RPAP2: variants seen among roughly 807,000 people sequenced by gnomAD.
RPAP2 encodes putative RNA polymerase II subunit B1 CTD phosphatase RPAP2.
In RPAP2, 52 loss-of-function variants were observed where a neutral mutation model predicts 73.1. The ratio of observed to expected loss-of-function variants is 0.71; its 90% confidence interval spans 0.57 to 0.90. The LOEUF (loss-of-function observed/expected upper bound fraction) is 0.90. Ranked by LOEUF, RPAP2 falls within the 40% of genes least tolerant of loss-of-function variation. The probability of loss-of-function intolerance (pLI) is 0.00; values close to 1 mark genes in which losing one functional copy is unlikely to be tolerated. For synonymous variants in RPAP2, 225 were observed against 242.1 expected (o/e 0.93, Z 0.65); for missense variants, 598 against 701.8 (o/e 0.85, Z 1.67).
At chr1:92,332,228 T>C (rs978111694) in intron 8 of RPAP2, among the ~76,000 whole-genome samples, 1 of 152,054 alleles carries the variant, frequency 6.6e-6, no homozygotes, top group African/African-American at 2.4e-5. Context: ...CATTCTCTCT[T>C]CAGCCATTTC....
chr1:92,304,076 G>A lies in RPAP2; in HGVS notation c.333+1G>A. 6.3e-7 allele frequency: 1 copy of A among 1,584,778 alleles called. No homozygotes were observed. Among genetic ancestry groups the A allele is most frequent in the East Asian group, 2.2e-5 (1 of 44,688 alleles). On this transcript the variant is annotated splice_donor_variant, in intron 4 of 12. Coordinates refer to ENST00000610020, the MANE Select transcript of RPAP2 (RefSeq NM_024813.3). LOFTEE classifies it high-confidence loss of function. ...TTTATGTCAGAAGAAGCTGGGAATT[G>A]TAAGTAACTCATTTTTTTTAAAATA...
At chr1:92,380,001 T>C (rs1207455315) in intron 11 of RPAP2, among the ~76,000 whole-genome samples, 14 of 151,326 alleles carry the variant, frequency 9.3e-5, no homozygotes, top group Non-Finnish European at 1.5e-5. Context: ...GGCTCACGCC[T>C]GTAATCCTAA....
chr1:92,389,377 C>T lies in RPAP2; in HGVS notation c.*2366C>T, dbSNP rs1236635768. On this transcript the variant is annotated 3_prime_UTR_variant, in exon 13 of 13. Transcript: ENST00000610020. The stretch of plus-strand genomic sequence containing the variant: ...AAAAAAAGGACATCTACACCAAAAC[C>T]CCATCCATAGGACACCAACATCAGA... 1 of 152,136 alleles carries T rather than the reference C, an allele frequency of 6.6e-6. No individual in the cohort carries two copies. The highest frequency in any genetic ancestry group is 1.5e-5 in the Non-Finnish European group (1 of 68,046). 9.4% of individuals were successfully genotyped at this position (152,136 alleles called of 1,614,324 possible).
chr1:92,309,711 G>A (rs1487429857), intron 6 of RPAP2, among the ~76,000 whole-genome samples: 1 of 152,130 alleles, frequency 6.6e-6, no homozygotes, highest in African/African-American at 2.4e-5. Context: ...GACTTTAATG[G>A]GGACCTGTCC....
At chr1:92,326,020 T>A (rs1000993607) in intron 8 of RPAP2, among the ~76,000 whole-genome samples, 1 of 152,104 alleles carries the variant, frequency 6.6e-6, no homozygotes, top group African/African-American at 2.4e-5. Context: ...TCTGCTAATA[T>A]GCGTATGTAT....
chr1:92,383,621 C>T (rs934449136), intron 12 of RPAP2, among the ~76,000 whole-genome samples: 2 of 152,108 alleles, frequency 1.3e-5, no homozygotes, highest in African/African-American at 4.8e-5. Flanking sequence ...ATTTTGTATC[C>T]TGAGACTTTG....
chr1:92,350,540 G>A (rs1654148415), intron 11 of RPAP2, among the ~76,000 whole-genome samples: 2 of 152,174 alleles, frequency 1.3e-5, no homozygotes, highest in Non-Finnish European at 2.9e-5. Flanking sequence ...ATAATACAGA[G>A]TTGAACCTGA....
At chr1:92,364,221 C>G (rs1451195233) in intron 11 of RPAP2, among the ~76,000 whole-genome samples, 2 of 152,130 alleles carry the variant, frequency 1.3e-5, no homozygotes, top group Non-Finnish European at 2.9e-5. Flanking sequence ...CTCCATACCA[C>G]CAGTAGTTTC....
chr1:92,301,353 A>C (rs1053161523), intron 2 of RPAP2, 123 bp from the exon 3 acceptor site: 1 of 398,086 alleles, frequency 2.5e-6, no homozygotes, highest in South Asian at 5.3e-5. Flanking sequence ...TTATTCAAAA[A>C]ATTTTTTAAA....
intron 10 of RPAP2, among the ~76,000 whole-genome samples, chr1:92,342,443 C>A (rs1014796002): frequency 2.6e-5 from 4 of 152,138 alleles, no homozygotes; most frequent in African/African-American, 4.8e-5. Flanking sequence ...GTAGTACAGA[C>A]TGTATAGGCC....
At chr1:92,357,020 T>C (rs1435859344) in intron 11 of RPAP2, among the ~76,000 whole-genome samples, 5 of 151,208 alleles carry the variant, frequency 3.3e-5, no homozygotes, top group African/African-American at 1.2e-4. Context: ...GAGCTGAGAT[T>C]GTGTCACTGC....
intron 11 of RPAP2, among the ~76,000 whole-genome samples, chr1:92,374,967 A>G (rs1655326372): frequency 6.6e-6 from 1 of 152,160 alleles, no homozygotes; most frequent in Non-Finnish European, 1.5e-5. Flanking sequence ...CCACTGAAAT[A>G]AAATAAAATT....
intron 6 of RPAP2, among the ~76,000 whole-genome samples, chr1:92,313,939 A>G (rs974300537): frequency 6.6e-6 from 1 of 152,182 alleles, no homozygotes; most frequent in Non-Finnish European, 1.5e-5. Flanking sequence ...TCTTCTACCT[A>G]TTCTTCTGCA....
rs1305799342 is a variant in RPAP2, at chr1:92,401,506, T to C, written c.*14495T>C. ...CAGCAAATAAAGATTATTGTACTTG[T>C]TCTTTGCCAACCCATATGTCTTGCC... On this transcript the variant is annotated 3_prime_UTR_variant, in exon 13 of 13. Transcript: ENST00000610020. 1 of 152,228 alleles carries C rather than the reference T, an allele frequency of 6.6e-6. No homozygotes were observed. Among genetic ancestry groups the C allele is most frequent in the African/African-American group, 2.4e-5 (1 of 41,464 alleles). The allele number at this position is 152,228 out of a possible 1,614,324, so 9.4% of individuals were successfully genotyped here.
chr1:92,363,834 A>G (rs1654825464), intron 11 of RPAP2: 1 of 256,586 alleles, frequency 3.9e-6, no homozygotes, highest in Non-Finnish European at 7.8e-6. Context: ...TTACTTTATT[A>G]TAAGGATCTA....
intron 9 of RPAP2, 127 bp downstream of exon 9, chr1:92,333,600 G>A: frequency 1.5e-6 from 1 of 673,934 alleles, no homozygotes; most frequent in East Asian, 2.8e-5. Flanking sequence ...AGTTCACATG[G>A]ATTTCTTCAC....
At position 92,345,872 on chromosome 1, in the gene RPAP2, A is replaced by G. The variant is rs1653864708; in HGVS notation, c.1646A>G (p.Lys549Arg). The stretch of plus-strand genomic sequence containing the variant: ...TTAACAAATAGAAATATTATACACA[A>G]ACCTGCGGAATGGACTTTAATTGCT... Reference protein sequence around the residue: ...FRLTNRNIIHKPAEWTLIAMV... With the variant: ...FRLTNRNIIHRPAEWTLIAMV... Residue 549 changes from lysine (K) to arginine (R), a missense_variant, in exon 11 of 13, where the codon AAA (lysine) becomes AGA (arginine). Physicochemically the swap from Lys to Arg is conservative, Grantham distance 26. Coordinates refer to ENST00000610020, the MANE Select transcript of RPAP2 (RefSeq NM_024813.3). The G allele has an allele frequency of 6.2e-7, 1 of 1,604,694 alleles. No homozygotes were observed. The highest frequency in any genetic ancestry group is 8.5e-7 in the Non-Finnish European group (1 of 1,172,634).
chr1:92,368,423 T>C (rs919817781), intron 11 of RPAP2, among the ~76,000 whole-genome samples: 1 of 152,110 alleles, frequency 6.6e-6, no homozygotes, highest in Non-Finnish European at 1.5e-5. Context: ...TTTATTGTAC[T>C]CCACGAGATA....
chr1:92,317,131 C>G (rs973937015), intron 6 of RPAP2, among the ~76,000 whole-genome samples: 1 of 152,110 alleles, frequency 6.6e-6, no homozygotes, highest in African/African-American at 2.4e-5. Context: ...TGGCCTAATT[C>G]GAATCCTAGA....
Sources: gnomAD v4.1 joint callset for allele counts (sites outside exome capture counted in the v4.1 genomes callset) on GRCh38, gnomAD v4.1.1 for gene constraint, MANE v1.5 for transcripts, NCBI Gene and HGNC (gene_info 2026-07-23, HGNC 2026-07-21) for gene names.